Variants in MYPN observed in about 807,000 individuals in gnomAD.
MYPN encodes sarcomeric protein myopalladin, 145 kDa (MYOP).
In MYPN, 63 loss-of-function variants were observed where a neutral mutation model predicts 129.4. The ratio of observed to expected loss-of-function variants is 0.49; its 90% confidence interval spans 0.40 to 0.60. The LOEUF is 0.60. Among genes scored for constraint, MYPN ranks in the 20% least tolerant of loss-of-function variants. The pLI is 0.00. For missense variants in MYPN, 1,596 were observed against 1,635.4 expected, an observed-to-expected ratio of 0.98 and a Z score of 0.42; for synonymous variants, 629 against 600.9, an observed-to-expected ratio of 1.05 and a Z score of -0.68.
At chr10:68,115,575 G>A (rs2042145737) in intron 1 of MYPN, among the ~76,000 whole-genome samples, 1 of 152,166 alleles carries the variant, frequency 6.6e-6, no homozygotes, top group South Asian at 2.1e-4. Flanking sequence ...GTAGCATGTT[G>A]CAATTGCCTC....
At chr10:68,204,415 G>A (rs1268202768) in intron 18 of MYPN, among the ~76,000 whole-genome samples, 1 of 152,164 alleles carries the variant, frequency 6.6e-6, no homozygotes, top group African/African-American at 2.4e-5. Flanking sequence ...ACCACTGTGA[G>A]AATGACCTTT....
chr10:68,129,727 A>G (rs2042380939), intron 2 of MYPN, among the ~76,000 whole-genome samples: 1 of 152,142 alleles, frequency 6.6e-6, no homozygotes, highest in Admixed American at 6.5e-5. Context: ...CATTGCCAAT[A>G]TTGATATTAT....
At chr10:68,111,045 A>G (rs2042074266) in intron 1 of MYPN, among the ~76,000 whole-genome samples, 1 of 152,244 alleles carries the variant, frequency 6.6e-6, no homozygotes, top group Admixed American at 6.5e-5. Flanking sequence ...CCAGTCTTCC[A>G]TATATCTACA....
chr10:68,177,678 A>G (rs1459654254), intron 12 of MYPN, among the ~76,000 whole-genome samples: 1 of 152,216 alleles, frequency 6.6e-6, no homozygotes, highest in Admixed American at 6.5e-5. Context: ...ACACTAGACA[A>G]GCAGAGAAAG....
intron 13 of MYPN, among the ~76,000 whole-genome samples, chr10:68,191,257 G>A (rs1039911357): frequency 2.1e-5 from 3 of 141,102 alleles, no homozygotes; most frequent in African/African-American, 7.9e-5. Flanking sequence ...TTGCTCTATT[G>A]CCCAGGCTGG....
chr10:68,200,333 A>G (rs1328006399), intron 17 of MYPN, among the ~76,000 whole-genome samples: 3 of 152,226 alleles, frequency 2.0e-5, no homozygotes, highest in African/African-American at 7.2e-5. Flanking sequence ...GATGATGTGA[A>G]TGAAACACTG....
At position 68,211,587 on chromosome 10, in the gene MYPN, A is replaced by G. The variant is rs2043917276; in HGVS notation, c.*1132A>G. ...ATATGCATCTTTATTCTAATCACCAATTCAAACCCTGCCTCTTAAGGAATT... is the reference window on the plus strand; with the variant it reads ...ATATGCATCTTTATTCTAATCACCAGTTCAAACCCTGCCTCTTAAGGAATT... On this transcript the variant is annotated 3_prime_UTR_variant, in exon 20 of 20. Transcript: ENST00000358913. 2.2e-6 allele frequency: 1 copy of G among 454,040 alleles called. No individual in the cohort carries two copies. The highest frequency in any genetic ancestry group is 2.4e-5 in the Admixed American group (1 of 42,550). 28.1% of individuals were successfully genotyped at this position (454,040 alleles called of 1,614,324 possible).
intron 2 of MYPN, among the ~76,000 whole-genome samples, chr10:68,132,666 C>A (rs2042428340): frequency 6.6e-6 from 1 of 152,094 alleles, no homozygotes; most frequent in Non-Finnish European, 1.5e-5. Context: ...GACAAAAATC[C>A]CCTAAAGGAA....
chr10:68,148,531 C>A, intron 5 of MYPN, 64 bp downstream of exon 5: 2 of 1,306,422 alleles, frequency 1.5e-6, no homozygotes, highest in Non-Finnish European at 1.1e-6. Context: ...GTGACCATGA[C>A]CATCTTGCAT....
Position 68,201,856 on chromosome 10 carries a change from T to C in MYPN, c.3521T>C (p.Ile1174Thr), listed in dbSNP as rs1383090936. 2 of 1,613,678 alleles carry C rather than the reference T, an allele frequency of 1.2e-6. No homozygotes were observed. Among genetic ancestry groups the C allele is most frequent in the African/African-American group, 1.3e-5 (1 of 74,778 alleles). ...AAAGAGGTGAAGAAAGCACCTGTGA[T>C]CCTGGAGAAACTACAGAACTGCGGT... ...VAKEVKKAPV[I>T]LEKLQNCGVP... The change falls in exon 18 of 20, where the codon ATC becomes ACC. Residue 1174 changes from isoleucine to threonine, a missense_variant. Ile to Thr is a moderately conservative substitution (Grantham distance 89). Transcript: ENST00000358913.
intron 2 of MYPN, among the ~76,000 whole-genome samples, chr10:68,126,027 C>T (rs1326024504): frequency 6.6e-6 from 1 of 151,980 alleles, no homozygotes; most frequent in Admixed American, 6.6e-5. Flanking sequence ...AGTTGCTTGG[C>T]CTGGAGTGCA....
intron 12 of MYPN, among the ~76,000 whole-genome samples, chr10:68,181,461 T>C (rs1462524180): frequency 6.6e-6 from 1 of 151,868 alleles, no homozygotes; most frequent in Non-Finnish European, 1.5e-5. Flanking sequence ...GGCTAACTTT[T>C]GTATTTGTAG....
At chr10:68,170,008 G>A (rs771882999) in intron 10 of MYPN, among the ~76,000 whole-genome samples, 1 of 152,122 alleles carries the variant, frequency 6.6e-6, no homozygotes, top group Non-Finnish European at 1.5e-5. Context: ...AAAGTGCTGG[G>A]ATTACAGGTG....
chr10:68,132,394 T>G (rs1408067898), intron 2 of MYPN, among the ~76,000 whole-genome samples: 1 of 152,244 alleles, frequency 6.6e-6, no homozygotes, highest in Non-Finnish European at 1.5e-5. Context: ...TTTGCTAATT[T>G]TTAAAAGGAT....
At chr10:68,087,962 G>GTT (rs1372644048) in exon 1 of MYPN, among the ~76,000 whole-genome samples, 1 of 152,194 alleles carries the variant, frequency 6.6e-6, no homozygotes, top group African/African-American at 2.4e-5. Context: ...ACCCAATGTA[G>GTT]CCTTTGGAGC....
rs560387426 is a variant in MYPN, at chr10:68,174,198, G to T, written c.2106G>T (p.Ala702=). ...TTTTGAACTCCAATGCTCCCCCAGC[G>T]GTGACAACATCCAGTAAGCAGGTGA... ...MTVLNSNAPP[A]VTTSSKQVKA... is the part of the protein sequence containing the mutation. Residue 702 remains alanine (A), a synonymous_variant, in exon 11 of 20, where the codon GCG becomes GCT. Coordinates refer to ENST00000358913, the MANE Select transcript of MYPN (RefSeq NM_032578.4). 1.9e-6 allele frequency: 3 copies of T among 1,613,970 alleles called. No homozygotes were observed. Among genetic ancestry groups the T allele is most frequent in the Non-Finnish European group, 2.5e-6 (3 of 1,179,944 alleles).
rs185600907 is a variant in MYPN at position 68,117,781 on chromosome 10, A to G, written c.-1-3657A>G. 6.4e-4 allele frequency among the ~76,000 whole-genome samples: 96 copies of G among 151,046 alleles called. No individual in the cohort carries two copies. The East Asian group carries it at 0.017, about 27-fold the overall frequency. On this transcript the variant is annotated intron_variant, in intron 1 of 19. Coordinates refer to ENST00000358913, the MANE Select transcript of MYPN (RefSeq NM_032578.4). ...CCATGATACATGGCCATAGCTGTTA[A>G]ATAATAATAATAATTATTATTATTA...
intron 2 of MYPN, chr10:68,136,659 T>C (rs924668443): frequency 2.1e-5 from 32 of 1,535,038 alleles, no homozygotes; most frequent in Non-Finnish European, 2.8e-5. Flanking sequence ...ACAGAGAGTT[T>C]GGGCATTTGA....
At chr10:68,209,671 C>CTTTTTTTTTTT (rs35392300) in intron 19 of MYPN, among the ~76,000 whole-genome samples, 36 of 131,162 alleles carry the variant, frequency 2.7e-4, no homozygotes, top group East Asian at 4.6e-4. Context: ...GAATTCTTTT[C>CTTTTTTTTTTT]TTTTTTTTTT....
Sources: gnomAD v4.1 joint callset for allele counts (sites outside exome capture counted in the v4.1 genomes callset) on GRCh38, gnomAD v4.1.1 for gene constraint, MANE v1.5 for transcripts, NCBI Gene and HGNC (gene_info 2026-07-23, HGNC 2026-07-21) for gene names.